ADK: variants seen among roughly 807,000 people sequenced by gnomAD.
The protein encoded by ADK is N6,N6-dimethyladenosine kinase.
In ADK, 24 loss-of-function variants were observed where a neutral mutation model predicts 44.7. That is an observed-to-expected ratio of 0.54 (90% confidence interval 0.39 to 0.76). The LOEUF (loss-of-function observed/expected upper bound fraction) is 0.76. Among genes scored for constraint, ADK ranks in the 30% least tolerant of loss-of-function variants. ADK has a pLI of 0.00. For missense variants in ADK, 321 were observed against 425.1 expected, an observed-to-expected ratio of 0.76 and a Z score of 2.15; for synonymous variants, 128 against 142.6, an observed-to-expected ratio of 0.90 and a Z score of 0.73.
chr10:74,461,859 A>G (rs1294299129), intron 6 of ADK, among the ~76,000 whole-genome samples: 1 of 152,096 alleles, frequency 6.6e-6, no homozygotes, highest in African/African-American at 2.4e-5. Context: ...CAGCATTTTC[A>G]TGTGCTATGT....
intron 1 of ADK, among the ~76,000 whole-genome samples, chr10:74,198,530 T>C (rs1304638812): frequency 6.6e-6 from 1 of 152,228 alleles, no homozygotes; most frequent in Admixed American, 6.5e-5. Context: ...TACTGATAGT[T>C]GCCAAATGGT....
intron 3 of ADK, among the ~76,000 whole-genome samples, chr10:74,243,315 C>T (rs6480727): frequency 0.5 from 76,279 of 152,014 alleles, 20,222 homozygotes; most frequent in Non-Finnish European, 0.59. Context: ...GGGGGTTGAG[C>T]GCTGTGGCGT....
chr10:74,609,217 G>A (rs1419211807), intron 9 of ADK, among the ~76,000 whole-genome samples: 3 of 152,126 alleles, frequency 2.0e-5, no homozygotes, highest in Admixed American at 6.5e-5. Flanking sequence ...TTGGCTCCCT[G>A]GCTTTATCCC....
At chr10:74,607,067 T>G (rs1306347132) in intron 9 of ADK, among the ~76,000 whole-genome samples, 2 of 152,164 alleles carry the variant, frequency 1.3e-5, no homozygotes, top group Non-Finnish European at 2.9e-5. Flanking sequence ...GCTTTTTTTT[T>G]GCTTTCCACT....
At chr10:74,591,760 C>G (rs1051420341) in intron 8 of ADK, among the ~76,000 whole-genome samples, 1 of 152,052 alleles carries the variant, frequency 6.6e-6, no homozygotes, top group African/African-American at 2.4e-5. Context: ...AAATTTGGAG[C>G]ATGAATGAGA....
intron 10 of ADK, among the ~76,000 whole-genome samples, chr10:74,695,639 T>C (rs925021991): frequency 6.6e-6 from 1 of 151,586 alleles, no homozygotes; most frequent in Non-Finnish European, 1.5e-5. Context: ...TGTGTGTGTG[T>C]GTGTGTGTGT....
At chr10:74,345,302 G>A (rs533519937) in intron 4 of ADK, among the ~76,000 whole-genome samples, 27 of 107,230 alleles carry the variant, frequency 2.5e-4, no homozygotes, top group South Asian at 8.3e-4. Context: ...TTTGCATCAC[G>A]TATCTTTTTT....
chr10:74,548,496 G>A (rs1849917154), intron 7 of ADK, among the ~76,000 whole-genome samples: 1 of 152,118 alleles, frequency 6.6e-6, no homozygotes, highest in Non-Finnish European at 1.5e-5. Context: ...CACGATATCT[G>A]GGACATACTT....
At chr10:74,313,863 T>C (rs1015541273) in intron 3 of ADK, among the ~76,000 whole-genome samples, 2 of 151,956 alleles carry the variant, frequency 1.3e-5, no homozygotes, top group Non-Finnish European at 2.9e-5. Flanking sequence ...TCTACTTTTT[T>C]GGTCTTTTTA....
At chr10:74,404,941 G>A (rs1405408142) in intron 6 of ADK, among the ~76,000 whole-genome samples, 3 of 152,116 alleles carry the variant, frequency 2.0e-5, no homozygotes, top group East Asian at 1.9e-4. Flanking sequence ...TAGAGCTATC[G>A]GTTTTTAGTT....
chr10:74,218,034 C>T (rs948900316), intron 2 of ADK, among the ~76,000 whole-genome samples: 2 of 152,132 alleles, frequency 1.3e-5, no homozygotes, highest in African/African-American at 2.4e-5. Flanking sequence ...ATGACTTTGA[C>T]GAGTTGAAAG....
intron 4 of ADK, among the ~76,000 whole-genome samples, chr10:74,360,075 C>G (rs1280181270): frequency 6.6e-6 from 1 of 152,064 alleles, no homozygotes; most frequent in East Asian, 1.9e-4. Flanking sequence ...TAAGATCTCT[C>G]CTGGAGAATG....
At chr10:74,701,295 G>A (rs74146402) in intron 10 of ADK, among the ~76,000 whole-genome samples, 3 of 152,258 alleles carry the variant, frequency 2.0e-5, no homozygotes, top group African/African-American at 4.8e-5. Flanking sequence ...ACATGTATAC[G>A]TATACAGTTA....
At chr10:74,228,761 T>G (rs1316211139) in intron 3 of ADK, among the ~76,000 whole-genome samples, 3 of 152,202 alleles carry the variant, frequency 2.0e-5, no homozygotes, top group Admixed American at 2.0e-4. Flanking sequence ...GATTATGAGA[T>G]CTGATCATAT....
At chr10:74,435,477 A>G (rs998700490) in intron 6 of ADK, among the ~76,000 whole-genome samples, 2 of 152,180 alleles carry the variant, frequency 1.3e-5, no homozygotes, top group East Asian at 3.8e-4. Context: ...TGCTATAACT[A>G]CTATTATGTC....
chr10:74,488,497 A>G (rs886753871), intron 6 of ADK, among the ~76,000 whole-genome samples: 2 of 150,896 alleles, frequency 1.3e-5, no homozygotes, highest in African/African-American at 4.9e-5. Flanking sequence ...CTTGGTTTCA[A>G]GATGAAATTT....
chr10:74,201,481 C>T (rs1564589122), intron 2 of ADK, among the ~76,000 whole-genome samples: 1 of 152,088 alleles, frequency 6.6e-6, no homozygotes, highest in Non-Finnish European at 1.5e-5. Flanking sequence ...TGCACCACGT[C>T]CACATAACTT....
chr10:74,382,868 G>A (rs1196348101), intron 4 of ADK, among the ~76,000 whole-genome samples: 6 of 151,790 alleles, frequency 4.0e-5, no homozygotes, highest in African/African-American at 7.3e-5. Flanking sequence ...GGCCTAGACC[G>A]TGTTAGTCAC....
chr10:74,187,060 GT>G (rs903065418), intron 1 of ADK, among the ~76,000 whole-genome samples: 178 of 148,072 alleles, frequency 1.2e-3, no homozygotes, highest in African/African-American at 4.1e-3. Flanking sequence ...ATTCCCACCA[GT>G]TTTTTTTTTA....
Sources: allele counts gnomAD v4.1 joint callset (sites outside exome capture counted in the v4.1 genomes callset), GRCh38; gene constraint gnomAD v4.1.1; transcripts MANE v1.5; gene names NCBI Gene and HGNC (gene_info 2026-07-23, HGNC 2026-07-21).